The following ALDH1L2 variants were observed in gnomAD, a reference collection of about 807,000 sequenced individuals.
ALDH1L2 encodes mitochondrial 10-formyltetrahydrofolate dehydrogenase.
In ALDH1L2, 91 loss-of-function variants were observed where a neutral mutation model predicts 111.0. That is an observed-to-expected ratio of 0.82 (90% CI 0.69 to 0.98). ALDH1L2 has a LOEUF of 0.98. Ranked by LOEUF, ALDH1L2 falls within the 50% of genes least tolerant of loss-of-function variation. ALDH1L2 has a pLI of 0.00. For synonymous variants in ALDH1L2, 374 were observed against 392.6 expected (o/e 0.95, Z 0.56); for missense variants, 995 against 1,126.8 (o/e 0.88, Z 1.67).
chr12:105,074,808 T>C (rs901408172), intron 1 of ALDH1L2, among the ~76,000 whole-genome samples: 4 of 152,156 alleles, frequency 2.6e-5, no homozygotes, highest in African/African-American at 9.7e-5. Flanking sequence ...GGATACCAGA[T>C]CACAACTTCC....
chr12:105,061,210 C>A, intron 8 of ALDH1L2, 138 bp from the exon 9 acceptor site: 1 of 750,552 alleles, frequency 1.3e-6, no homozygotes. Context: ...CATTTCTCAG[C>A]GCCTCTCCAA....
At chr12:105,027,227 A>C (rs1019124711) in intron 21 of ALDH1L2, among the ~76,000 whole-genome samples, 6 of 152,180 alleles carry the variant, frequency 3.9e-5, no homozygotes, top group Admixed American at 2.0e-4. Context: ...AGAAAGTCCC[A>C]AAAAAATATT....
At chr12:105,032,844 T>G (rs1874782562) in intron 19 of ALDH1L2, among the ~76,000 whole-genome samples, 1 of 152,250 alleles carries the variant, frequency 6.6e-6, no homozygotes, top group African/African-American at 2.4e-5. Flanking sequence ...TGTTATCTTT[T>G]TTTTTCCTCC....
In ALDH1L2 at chr12:105,058,144, C is replaced by G. The variant is rs1876756116; in HGVS notation, c.1216G>C (p.Glu406Gln). 4 of 1,613,844 alleles carry G rather than the reference C, an allele frequency of 2.5e-6. No individual in the cohort carries two copies. Among genetic ancestry groups the G allele is most frequent in the Non-Finnish European group, 3.4e-6 (4 of 1,179,918 alleles). Residue 406 changes from glutamate (E) to glutamine (Q), a missense_variant, in exon 10 of 23, where the codon GAA becomes CAA. Glu to Gln is a conservative substitution (Grantham distance 29). Coordinates refer to ENST00000258494, the MANE Select transcript of ALDH1L2 (RefSeq NM_001034173.4). ...CTCACGACCTTTTGGATAAAGCCTT[C>G]AAACTTGGTGGCCATATAGACATCT... is the stretch of plus-strand genomic sequence containing the variant. ...NEDVYMATKFEGFIQKVVRKL... is the reference protein window; with the variant it reads ...NEDVYMATKFQGFIQKVVRKL...
At chr12:105,055,166 A>G (rs1367599421) in intron 10 of ALDH1L2, among the ~76,000 whole-genome samples, 1 of 152,148 alleles carries the variant, frequency 6.6e-6, no homozygotes, top group African/African-American at 2.4e-5. Context: ...GCAGGCAGGA[A>G]GTGTGAAGGT....
chr12:105,059,351 A>G (rs1276013461), intron 9 of ALDH1L2, among the ~76,000 whole-genome samples: 2 of 151,012 alleles, frequency 1.3e-5, no homozygotes, highest in Non-Finnish European at 1.5e-5. Context: ...AGGTGTGATG[A>G]CTCATGCCTG....
intron 19 of ALDH1L2, among the ~76,000 whole-genome samples, chr12:105,032,718 A>G (rs1874775721): frequency 6.6e-6 from 1 of 152,234 alleles, no homozygotes; most frequent in Admixed American, 6.5e-5. Context: ...CATACACTAT[A>G]TGAAAATTAT....
intron 9 of ALDH1L2, chr12:105,060,730 A>G: frequency 3.8e-6 from 1 of 266,486 alleles, no homozygotes. Context: ...AGGCCGAGGC[A>G]GGAGAATCAC....
At position 105,025,899 on chromosome 12, in the gene ALDH1L2, A is replaced by G. The variant is rs2136043285; in HGVS notation, c.2716+646T>C. Among the ~76,000 whole-genome samples the G allele has an allele frequency of 1.3e-5, 2 of 152,166 alleles. 1 individual carries two copies. Among genetic ancestry groups the G allele is most frequent in the Middle Eastern group, 6.8e-3 (2 of 294 alleles). The stretch of plus-strand genomic sequence containing the variant: ...TTCTGTATAATAAGATAATAATAGT[A>G]CCTATTCCTCTGAGCTCGTGTGAGA... On this transcript the variant is annotated intron_variant, in intron 22 of 22. Transcript: ENST00000258494.
chr12:105,078,724 T>C (rs777025728), intron 1 of ALDH1L2, among the ~76,000 whole-genome samples: 49 of 152,138 alleles, frequency 3.2e-4, no homozygotes, highest in Non-Finnish European at 1.6e-4. Context: ...AGCTAAGACA[T>C]AGTAACAGTG....
At chr12:105,083,631 TTTC>T (rs1018737334) in intron 1 of ALDH1L2, among the ~76,000 whole-genome samples, 2 of 149,290 alleles carry the variant, frequency 1.3e-5, no homozygotes, top group Non-Finnish European at 3.0e-5. Context: ...ATTTTTTTTT[TTTC>T]TCTCTCTCTC....
chr12:105,031,208 T>C (rs992533576), intron 20 of ALDH1L2, among the ~76,000 whole-genome samples: 2 of 152,220 alleles, frequency 1.3e-5, no homozygotes, highest in African/African-American at 2.4e-5. Flanking sequence ...CTCAGTGTTA[T>C]GAGATTCATA....
intron 18 of ALDH1L2, among the ~76,000 whole-genome samples, chr12:105,037,866 G>T (rs1875252275): frequency 6.6e-6 from 1 of 151,680 alleles, no homozygotes; most frequent in Non-Finnish European, 1.5e-5. Flanking sequence ...CTGGGTTCAA[G>T]AGATTCTCCT....
At chr12:105,070,083 G>A (rs766692283) in intron 3 of ALDH1L2, among the ~76,000 whole-genome samples, 2 of 152,146 alleles carry the variant, frequency 1.3e-5, no homozygotes, top group African/African-American at 2.4e-5. Context: ...CTCCCTCTAG[G>A]GGATTATGAT....
chr12:105,043,075 T>G (rs1357780012), intron 15 of ALDH1L2, among the ~76,000 whole-genome samples: 1 of 152,188 alleles, frequency 6.6e-6, no homozygotes, highest in Non-Finnish European at 1.5e-5. Context: ...ATTGTATGGC[T>G]GGATAACGCT....
intron 17 of ALDH1L2, among the ~76,000 whole-genome samples, chr12:105,039,109 T>G (rs1333125314): frequency 6.6e-6 from 1 of 152,240 alleles, no homozygotes; most frequent in Non-Finnish European, 1.5e-5. Flanking sequence ...CTATTTGTGA[T>G]CTGTCCTACC....
chr12:105,061,845 A>G (rs903834743), intron 7 of ALDH1L2, 93 bp from the exon 8 acceptor site: 2 of 1,445,508 alleles, frequency 1.4e-6, no homozygotes, highest in Non-Finnish European at 1.9e-6. Flanking sequence ...TTATATGCAT[A>G]TAAGGGCAAG....
chr12:105,032,644 G>A (rs889096803), intron 19 of ALDH1L2, among the ~76,000 whole-genome samples: 2 of 152,150 alleles, frequency 1.3e-5, no homozygotes, highest in African/African-American at 4.8e-5. Flanking sequence ...ACTAAATACT[G>A]TAGACTTTTT....
At chr12:105,034,163 T>G in intron 19 of ALDH1L2, 137 bp downstream of exon 19, 1 of 761,304 alleles carries the variant, frequency 1.3e-6, no homozygotes, top group Non-Finnish European at 2.1e-6. Context: ...ATAAAAAAAC[T>G]AGGGACTGAT....
Sources: gnomAD v4.1 joint callset for allele counts (sites outside exome capture counted in the v4.1 genomes callset) on GRCh38, gnomAD v4.1.1 for gene constraint, MANE v1.5 for transcripts, NCBI Gene and HGNC (gene_info 2026-07-23, HGNC 2026-07-21) for gene names.